CELF6: variants seen among roughly 807,000 people sequenced by gnomAD.
CELF6 encodes the protein Bruno -like 6, RNA binding protein.
A neutral mutation model predicts 53.1 loss-of-function variants in CELF6; 32 were observed. That is an observed-to-expected ratio of 0.60 (90% CI 0.46 to 0.81). The LOEUF (loss-of-function observed/expected upper bound fraction) is 0.81, where lower values mean the gene tolerates loss of function less well. Ranked by LOEUF, CELF6 falls within the 30% of genes least tolerant of loss-of-function variation. CELF6 has a pLI of 0.00. For missense variants in CELF6, 539 were observed against 669.5 expected (o/e 0.81, Z 2.15); for synonymous variants, 291 against 288.8 (o/e 1.01, Z -0.08).
intron 3 of CELF6, among the ~76,000 whole-genome samples, chr15:72,294,705 C>T (rs968081057): frequency 6.6e-6 from 1 of 152,120 alleles, no homozygotes; most frequent in Non-Finnish European, 1.5e-5. Flanking sequence ...AAAGCCAGCA[C>T]GGTGGCTCAC....
intron 2 of CELF6, 96 bp downstream of exon 2, chr15:72,315,749 C>T (rs1194198351): frequency 1.4e-5 from 10 of 739,084 alleles, no homozygotes; most frequent in South Asian, 4.0e-5. Context: ...TTCTAGTTCT[C>T]GGTCCCAACC....
At position 72,319,692 on chromosome 15, in the gene CELF6, G is replaced by C. The variant is rs1405387832; in HGVS notation, c.183C>G (p.Asp61Glu). 1 of 1,591,394 alleles carries C rather than the reference G, an allele frequency of 6.3e-7. No individual in the cohort carries two copies. Among genetic ancestry groups the C allele is most frequent in the Non-Finnish European group, 8.6e-7 (1 of 1,169,128 alleles). ...CGAACTCCTCGAACAGCGGCTTGAGGTCCTGCTCGTCCAAGCCCCGCGGGA... is the reference window on the plus strand; with the variant it reads ...CGAACTCCTCGAACAGCGGCTTGAGCTCCTGCTCGTCCAAGCCCCGCGGGA... ...GQIPRGLDEQ[D>E]LKPLFEEFGR... Residue 61 changes from aspartate (D) to glutamate (E), a missense_variant, in exon 1 of 13, where the codon GAC becomes GAG. By Grantham distance (45) the Asp-to-Glu change is conservative (BLOSUM62 2). Around this residue, in one of 3 missense-constraint regions of CELF6, gnomAD observed 97 missense variants for 168.8 expected, o/e 0.57. Coordinates refer to ENST00000287202, the MANE Select transcript of CELF6 (RefSeq NM_052840.5). This position sits in a 1 kb window ranked among gnomAD's most constrained non-coding sequence, Gnocchi z 5.0.
intron 2 of CELF6, 123 bp from the exon 3 acceptor site, chr15:72,304,917 A>C: frequency 1.4e-6 from 1 of 723,876 alleles, no homozygotes. Flanking sequence ...GCACTCTACC[A>C]CTTCCAAACT....
At chr15:72,300,018 T>A (rs990765728) in intron 3 of CELF6, among the ~76,000 whole-genome samples, 6 of 152,184 alleles carry the variant, frequency 3.9e-5, no homozygotes, top group Non-Finnish European at 7.3e-5. Flanking sequence ...TTAATTGTAT[T>A]GCAGGCATCG....
intron 3 of CELF6, chr15:72,292,321 C>T: frequency 7.8e-7 from 1 of 1,283,924 alleles, no homozygotes; most frequent in South Asian, 1.4e-5. Context: ...ATGGCTTTGC[C>T]TTGACATTGG....
At chr15:72,310,769 C>T (rs1266554602) in intron 2 of CELF6, among the ~76,000 whole-genome samples, 1 of 151,902 alleles carries the variant, frequency 6.6e-6, no homozygotes, top group Non-Finnish European at 1.5e-5. Context: ...GGATTACAGG[C>T]ATGAGCCACT....
intron 3 of CELF6, chr15:72,292,336 T>C (rs2088016350): frequency 9.6e-7 from 1 of 1,045,364 alleles, no homozygotes; most frequent in East Asian, 2.6e-5. Context: ...CATTGGAGAA[T>C]GGGCTCATTT....
In CELF6 at chr15:72,287,477, C is replaced by A. The variant is rs2087937627; in HGVS notation, c.1319-85G>T. On this transcript the variant is annotated intron_variant, in intron 11 of 12. Coordinates refer to ENST00000287202, the MANE Select transcript of CELF6 (RefSeq NM_052840.5). ...TCTGACCAGCCCCCTCCTCTTCCAG[C>A]CCCGTCAGGCCAGTTCCATCAAACA... The A allele has an allele frequency of 4.2e-5, 63 of 1,504,644 alleles. No homozygotes were observed. In the South Asian group the frequency reaches 6.0e-4, roughly 14 times the overall value. 93.2% of individuals were successfully genotyped at this position (1,504,644 alleles called of 1,614,324 possible). A position where few individuals can be genotyped will look rare whatever the true frequency, so the allele number is the denominator to read the frequency against.
chr15:72,305,332 G>A (rs772700914), intron 2 of CELF6, among the ~76,000 whole-genome samples: 7 of 152,088 alleles, frequency 4.6e-5, no homozygotes, highest in Non-Finnish European at 8.8e-5. Flanking sequence ...TTTTTCTCCT[G>A]TGTAGCTGAA....
chr15:72,304,718 C>A (rs1193421057), intron 3 of CELF6, 28 bp downstream of exon 3: 1 of 1,611,646 alleles, frequency 6.2e-7, no homozygotes, highest in Non-Finnish European at 8.5e-7. Context: ...CGGGTTGCAG[C>A]CTGAGGTTGG....
Position 72,289,245 on chromosome 15 carries a change from C to G in CELF6, c.923G>C (p.Gly308Ala), listed in dbSNP as rs2087966734. 6.3e-7 allele frequency: 1 copy of G among 1,584,646 alleles called. No individual in the cohort carries two copies. The highest frequency in any genetic ancestry group is 1.9e-5 in the Admixed American group (1 of 53,654). The change falls in exon 8 of 13, where the codon GGT (glycine) becomes GCT (alanine). Residue 308 changes from glycine (G) to alanine (A), a missense_variant. Gly to Ala is a moderately conservative substitution (Grantham distance 60, BLOSUM62 0). This residue lies in a region of CELF6 where 358 missense variants were observed against 412.8 expected (regional missense o/e 0.87). Coordinates refer to ENST00000287202, the MANE Select transcript of CELF6 (RefSeq NM_052840.5). This position sits in a 1 kb window ranked among gnomAD's most constrained non-coding sequence, Gnocchi z 7.6. ...ATTGACCCCGATGGGCGCCGGAAGA[C>G]CTGGGAGGGTGCCAGGGCCGCTGCC... is the stretch of plus-strand genomic sequence containing the variant. Reference protein sequence around the residue: ...PPGSGPGTLPGLPAPIGVNGF... With the variant: ...PPGSGPGTLPALPAPIGVNGF...
chr15:72,307,065 G>GT (rs981559159), intron 2 of CELF6, among the ~76,000 whole-genome samples: 1 of 152,010 alleles, frequency 6.6e-6, no homozygotes, highest in African/African-American at 2.4e-5. Context: ...GAAGCCTGGG[G>GT]TGGGGGGCAG....
At chr15:72,313,684 C>A in intron 2 of CELF6, 1 of 849,430 alleles carries the variant, frequency 1.2e-6, no homozygotes, top group Non-Finnish European at 1.4e-6. Flanking sequence ...TGTGTCTGCA[C>A]CTTTACCATG....
intron 2 of CELF6, among the ~76,000 whole-genome samples, chr15:72,309,118 G>A (rs1453260338): frequency 1.3e-5 from 2 of 152,176 alleles, no homozygotes; most frequent in East Asian, 1.9e-4. Context: ...TCACTATGTT[G>A]CCCAGGATGG....
At chr15:72,295,009 C>G (rs1166405181) in intron 3 of CELF6, among the ~76,000 whole-genome samples, 1 of 131,420 alleles carries the variant, frequency 7.6e-6, no homozygotes, top group Non-Finnish European at 1.6e-5. Flanking sequence ...TGAAAGCAAA[C>G]AATTCTATTT....
intron 1 of CELF6, among the ~76,000 whole-genome samples, chr15:72,317,741 T>A (rs1421520898): frequency 6.6e-6 from 1 of 152,180 alleles, no homozygotes; most frequent in African/African-American, 2.4e-5. Context: ...AAACACCTGA[T>A]TCCACTTACA....
In CELF6 at chr15:72,319,772, C is replaced by A. The variant is rs368237855; in HGVS notation, c.103G>T (p.Gly35Cys). The A allele has an allele frequency of 1.9e-6, 3 of 1,580,782 alleles. No individual in the cohort carries two copies. The highest frequency in any genetic ancestry group is 1.7e-4 in the Middle Eastern group (1 of 6,032). Residue 35 changes from glycine to cysteine, a missense_variant, in exon 1 of 13, where the codon GGT becomes TGT. Coordinates refer to ENST00000287202, the MANE Select transcript of CELF6 (RefSeq NM_052840.5). This position sits in a 1 kb window ranked among gnomAD's most constrained non-coding sequence, Gnocchi z 5.0. ...TGGTCCTTCATGGGTACGGCGGGAC[C>A]GGGGTTTAGCCCGCTCATGCCGACG... ...SGVGMSGLNP[G>C]PAVPMKDHDA... is the part of the protein sequence containing the mutation.
At chr15:72,309,972 G>A (rs1289710413) in intron 2 of CELF6, among the ~76,000 whole-genome samples, 3 of 152,142 alleles carry the variant, frequency 2.0e-5, no homozygotes, top group African/African-American at 7.2e-5. Context: ...GCAATGGAGT[G>A]GGAAAGGTCA....
At position 72,319,468 on chromosome 15, in the gene CELF6, C is replaced by T; in HGVS notation, c.262+145G>A. 1.2e-6 allele frequency: 1 copy of T among 865,970 alleles called. No individual in the cohort carries two copies. The highest frequency in any genetic ancestry group is 3.0e-5 in the Admixed American group (1 of 33,156). The allele number at this position is 865,970 out of a possible 1,614,324, so 53.6% of individuals were successfully genotyped here. A position where few individuals can be genotyped will look rare whatever the true frequency, so the allele number is the denominator to read the frequency against. The stretch of plus-strand genomic sequence containing the variant: ...GATGTCAGAGAGAAAATTCTGTGAT[C>T]TGGGAAGGGGGCTGGGCTGAGGTGG... On this transcript the variant is annotated intron_variant, in intron 1 of 12. Coordinates refer to ENST00000287202, the MANE Select transcript of CELF6 (RefSeq NM_052840.5). This position sits in a 1 kb window ranked among gnomAD's most constrained non-coding sequence, Gnocchi z 5.0.
Sources: allele counts gnomAD v4.1 joint callset (sites outside exome capture counted in the v4.1 genomes callset), GRCh38; gene constraint gnomAD v4.1.1; regional missense constraint gnomAD v4.1.1; non-coding constraint Gnocchi (gnomAD v3.1); transcripts MANE v1.5; gene names NCBI Gene and HGNC (gene_info 2026-07-23, HGNC 2026-07-21).